NBN: variants seen among roughly 807,000 people sequenced by gnomAD.
The protein encoded by NBN is Nijmegen breakage syndrome 1 (nibrin).
A neutral mutation model predicts 90.8 loss-of-function variants in NBN; 88 were observed. That is an observed-to-expected ratio of 0.97 (90% CI 0.82 to 1.16). The LOEUF (loss-of-function observed/expected upper bound fraction) is 1.16. NBN is among the 50% of genes most tolerant of loss of function. The pLI is 0.00. For synonymous variants in NBN, 328 were observed against 295.1 expected (o/e 1.11, Z -1.14); for missense variants, 894 against 869.6 (o/e 1.03, Z -0.35).
At chr8:89,941,115 T>C (rs563352680) in intron 14 of NBN, among the ~76,000 whole-genome samples, 4 of 152,148 alleles carry the variant, frequency 2.6e-5, no homozygotes, top group Non-Finnish European at 4.4e-5. Flanking sequence ...AGGATAGTTA[T>C]GTCTTAAATG....
At chr8:89,983,007 G>A in intron 1 of NBN, 152 bp from the exon 2 acceptor site, 1 of 832,198 alleles carries the variant, frequency 1.2e-6, no homozygotes, top group Admixed American at 2.3e-5. Flanking sequence ...CTTTACATAT[G>A]TCAAACTTGT....
intron 4 of NBN, 127 bp from the exon 5 acceptor site, chr8:89,978,450 T>C (rs1186685139): frequency 4.1e-6 from 3 of 723,654 alleles, no homozygotes; most frequent in African/African-American, 3.6e-5. Context: ...CTTTCATCTC[T>C]CTAAATTTAT....
chr8:89,952,735 T>A (rs1810497921), intron 11 of NBN, among the ~76,000 whole-genome samples: 2 of 152,094 alleles, frequency 1.3e-5, no homozygotes, highest in South Asian at 4.1e-4. Flanking sequence ...TACAGATAAG[T>A]CAACTTACTG....
chr8:89,947,283 G>T (rs991002726), intron 12 of NBN, among the ~76,000 whole-genome samples: 4 of 152,088 alleles, frequency 2.6e-5, no homozygotes, highest in Admixed American at 2.0e-4. Flanking sequence ...AGAAGGCAGG[G>T]AATTACACCC....
At chr8:89,942,349 G>T (rs1274870020) in intron 14 of NBN, among the ~76,000 whole-genome samples, 2 of 152,124 alleles carry the variant, frequency 1.3e-5, no homozygotes, top group Admixed American at 6.5e-5. Context: ...ATTTGAAGTG[G>T]TCTCATATTG....
chr8:89,950,444 A>G (rs903959713), intron 11 of NBN, among the ~76,000 whole-genome samples: 1 of 139,442 alleles, frequency 7.2e-6, no homozygotes, highest in East Asian at 2.3e-4. Flanking sequence ...GTACATGTAC[A>G]GACGCATTTT....
In NBN at chr8:89,934,315, T is replaced by C. The variant is rs1356012750; in HGVS notation, c.*1267A>G. The C allele has an allele frequency of 5.6e-5, 13 of 232,680 alleles. No homozygotes were observed. In the East Asian group the frequency reaches 7.9e-4, roughly 14 times the overall value. 14.4% of individuals were successfully genotyped at this position (232,680 alleles called of 1,614,324 possible). A position where few individuals can be genotyped will look rare whatever the true frequency, so the allele number is the denominator to read the frequency against. On this transcript the variant is annotated 3_prime_UTR_variant, in exon 16 of 16. Transcript: ENST00000265433. ...AGTGTTCATAACTCTCTATAATATT[T>C]CAATAATCTAACTGGTCTCAATGCC... is the stretch of plus-strand genomic sequence containing the variant.
At chr8:89,940,623 A>AG (rs200344484) in intron 14 of NBN, among the ~76,000 whole-genome samples, 2 of 133,666 alleles carry the variant, frequency 1.5e-5, no homozygotes, top group African/African-American at 5.6e-5. Context: ...CATCTACTAG[A>AG]GGAAAAAAAA....
chr8:89,955,946 T>C (rs888274245), intron 9 of NBN, among the ~76,000 whole-genome samples: 1 of 151,726 alleles, frequency 6.6e-6, no homozygotes, highest in Non-Finnish European at 1.5e-5. Context: ...TTATTATTTA[T>C]TATTATATTA....
intron 8 of NBN, among the ~76,000 whole-genome samples, chr8:89,962,017 T>TA (rs1442266383): frequency 6.6e-6 from 1 of 151,992 alleles, no homozygotes; most frequent in African/African-American, 2.4e-5. Context: ...AAAGGAAGAA[T>TA]AAAAAATGTC....
intron 2 of NBN, chr8:89,982,442 T>C (rs960780755): frequency 1.7e-5 from 8 of 459,298 alleles, no homozygotes; most frequent in Non-Finnish European, 2.7e-5. Context: ...ACAATAAATG[T>C]TTAGTAAGCA....
At chr8:89,936,420 T>G (rs754766131) in intron 15 of NBN, among the ~76,000 whole-genome samples, 1 of 152,174 alleles carries the variant, frequency 6.6e-6, no homozygotes, top group African/African-American at 2.4e-5. Flanking sequence ...ATCAATCTAA[T>G]TGGCTGCAAA....
rs989124878 is a variant in NBN, at chr8:89,934,295, T to C, written c.*1287A>G. 1.1e-4 allele frequency: 26 copies of C among 232,538 alleles called. No homozygotes were observed. Among genetic ancestry groups the C allele is most frequent in the East Asian group, 1.2e-4 (2 of 16,472 alleles). The allele number at this position is 232,538 out of a possible 1,614,324, so 14.4% of individuals were successfully genotyped here. On this transcript the variant is annotated 3_prime_UTR_variant, in exon 16 of 16. Transcript: ENST00000265433. Reference sequence around the variant, plus strand: ...CATACCACTATCATAATTTAAGTGTTCATAACTCTCTATAATATTTCAATA... The same window carrying C: ...CATACCACTATCATAATTTAAGTGTCCATAACTCTCTATAATATTTCAATA...
At chr8:89,982,662 G>A (rs1812123979) in intron 2 of NBN, 60 bp downstream of exon 2, 3 of 1,411,398 alleles carry the variant, frequency 2.1e-6, no homozygotes, top group Non-Finnish European at 2.0e-6. Context: ...CAAACCAAGA[G>A]AATATTTTGT....
Position 89,976,194 on chromosome 8 carries a change from G to C in NBN, c.584+2026C>G, listed in dbSNP as rs969212725. ...TTAGTATGTTGGTCCCACTGGTCTC[G>C]AACTCCTGACCCCAAGTGATCTGCC... On this transcript the variant is annotated intron_variant, in intron 5 of 15. Coordinates refer to ENST00000265433, the MANE Select transcript of NBN (RefSeq NM_002485.5). Among the ~76,000 whole-genome samples, 3 of 152,076 alleles carry C rather than the reference G, an allele frequency of 2.0e-5. No homozygotes were observed. In the South Asian group the frequency reaches 6.2e-4, roughly 32 times the overall value.
chr8:89,947,829 T>A lies in NBN; in HGVS notation c.1909A>T (p.Ile637Leu), dbSNP rs1164780835. 1 of 1,564,458 alleles carries A rather than the reference T, an allele frequency of 6.4e-7. No homozygotes were observed. Among genetic ancestry groups the A allele is most frequent in the Non-Finnish European group, 8.8e-7 (1 of 1,139,772 alleles). The change falls in exon 12 of 16, where the codon ATA (isoleucine) becomes TTA (leucine). Residue 637 changes from isoleucine to leucine, a missense_variant. Ile to Leu is a conservative substitution (Grantham distance 5). Transcript: ENST00000265433. Reference sequence around the variant, plus strand: ...ATTAATAAAACGTTTCTCACAGATATTTCTTTAGCTGACCATAGTGAGTCT... The same window carrying A: ...ATTAATAAAACGTTTCTCACAGATAATTCTTTAGCTGACCATAGTGAGTCT... ...KEDSLWSAKE[I>L]SNNDKLQDDS... is the part of the protein sequence containing the mutation.
intron 7 of NBN, among the ~76,000 whole-genome samples, chr8:89,965,952 T>A (rs932902930): frequency 2.0e-5 from 3 of 152,228 alleles, no homozygotes; most frequent in African/African-American, 7.2e-5. Flanking sequence ...TGATCACATA[T>A]ACCTACCTGT....
chr8:89,983,151 A>G (rs1812158053), intron 1 of NBN, among the ~76,000 whole-genome samples: 1 of 152,206 alleles, frequency 6.6e-6, no homozygotes, highest in Non-Finnish European at 1.5e-5. Context: ...ATAGAAGGCT[A>G]CATCATTTTT....
rs532564035 is a variant in NBN, at chr8:89,978,485, G to C, written c.481-162C>G. 1.1e-4 allele frequency: 20 copies of C among 182,476 alleles called. No homozygotes were observed. In the Admixed American group the frequency reaches 1.2e-3, roughly 11 times the overall value. The allele number at this position is 182,476 out of a possible 1,614,324, so 11.3% of individuals were successfully genotyped here. A position where few individuals can be genotyped will look rare whatever the true frequency, so the allele number is the denominator to read the frequency against. ...TAAAGAAGCCACAATCTATAAAATA[G>C]AAGTCGGTCTTTGGTCACTGCATTA... On this transcript the variant is annotated intron_variant, in intron 4 of 15. Transcript: ENST00000265433.
Sources: allele counts gnomAD v4.1 joint callset (sites outside exome capture counted in the v4.1 genomes callset), GRCh38; gene constraint gnomAD v4.1.1; transcripts MANE v1.5; gene names NCBI Gene and HGNC (gene_info 2026-07-23, HGNC 2026-07-21).